Variants in PDE8B observed in about 807,000 individuals in gnomAD.
The protein encoded by PDE8B is high affinity cAMP-specific and IBMX-insensitive 3',5'-cyclic phosphodiesterase 8B.
A neutral mutation model predicts 101.3 loss-of-function variants in PDE8B; 26 were observed. The observed-to-expected ratio is 0.26, with a 90% confidence interval of 0.19 to 0.36. PDE8B has a LOEUF of 0.36. Among genes scored for constraint, PDE8B ranks in the 10% least tolerant of loss-of-function variants. The pLI is 1.00. For synonymous variants in PDE8B, 424 were observed against 429.3 expected, an observed-to-expected ratio of 0.99 and a Z score of 0.15; for missense variants, 810 against 1,163.1, an observed-to-expected ratio of 0.70 and a Z score of 4.42.
chr5:77,425,414 G>A (rs2017194), intron 20 of PDE8B, among the ~76,000 whole-genome samples: 57,354 of 152,016 alleles, frequency 0.38, 11,284 homozygotes, highest in African/African-American at 0.44. Flanking sequence ...TTAGCTGGAC[G>A]TGGTGACAGG....
chr5:77,109,697 A>G, the PDE8B span, among the ~76,000 whole-genome samples: 1 of 152,196 alleles, frequency 6.6e-6, no homozygotes, highest in Non-Finnish European at 1.5e-5. Context: ...CTCTGTGTTC[A>G]TGGATCAACT....
chr5:77,311,761 G>A (rs914787651), intron 1 of PDE8B, among the ~76,000 whole-genome samples: 1 of 151,856 alleles, frequency 6.6e-6, no homozygotes, highest in Non-Finnish European at 1.5e-5. Context: ...AGCATTTGGG[G>A]ATGTATCCTT....
chr5:77,166,384 T>C, the PDE8B span, among the ~76,000 whole-genome samples: 3 of 152,164 alleles, frequency 2.0e-5, no homozygotes, highest in African/African-American at 7.2e-5. Flanking sequence ...GTCTAGGCAT[T>C]ACTAAATCCT....
chr5:77,335,593 G>A (rs71632915), intron 5 of PDE8B, among the ~76,000 whole-genome samples: 30,194 of 151,478 alleles, frequency 0.2, 3,472 homozygotes, highest in Middle Eastern at 0.33. Flanking sequence ...TGAGGAGAGG[G>A]ATTGATTTTT....
chr5:77,208,403 G>A (rs1263317773), upstream of PDE8B, among the ~76,000 whole-genome samples: 1 of 152,184 alleles, frequency 6.6e-6, no homozygotes, highest in Non-Finnish European at 1.5e-5. Flanking sequence ...ATTATCACAG[G>A]TAAGCTTTAG....
the PDE8B span, among the ~76,000 whole-genome samples, chr5:77,184,049 G>A: frequency 1.3e-5 from 2 of 151,946 alleles, no homozygotes; most frequent in African/African-American, 4.8e-5. Context: ...CTCACTGCAG[G>A]CTTGACCTCC....
the PDE8B span, among the ~76,000 whole-genome samples, chr5:77,196,583 G>T: frequency 1.3e-5 from 2 of 152,068 alleles, no homozygotes; most frequent in Non-Finnish European, 2.9e-5. Context: ...CTGGAGGTTT[G>T]GTTTGCTCAA....
the PDE8B span, chr5:77,147,711 T>C: frequency 2.6e-5 from 4 of 152,194 alleles, no homozygotes; most frequent in South Asian, 4.1e-4. Flanking sequence ...GAGGGCCATA[T>C]AGCATAGGAG....
At chr5:77,282,620 T>C (rs1223603313) in intron 1 of PDE8B, among the ~76,000 whole-genome samples, 1 of 152,052 alleles carries the variant, frequency 6.6e-6, no homozygotes, top group Non-Finnish European at 1.5e-5. Context: ...TATCTGCTGC[T>C]CGGAGGCAGT....
chr5:77,400,354 T>C (rs1791996810), intron 11 of PDE8B, 64 bp downstream of exon 11: 1 of 1,048,166 alleles, frequency 9.5e-7, no homozygotes, highest in Admixed American at 1.7e-5. Flanking sequence ...AATGTATACA[T>C]TTCTCTGAAG....
At chr5:77,342,407 A>AGC (rs1318710431) in intron 6 of PDE8B, among the ~76,000 whole-genome samples, 15 of 152,210 alleles carry the variant, frequency 9.9e-5, no homozygotes, top group African/African-American at 2.9e-4. Flanking sequence ...AAAAATACAG[A>AGC]GCCAGATTTC....
At chr5:77,207,131 AC>A (rs1747569467), upstream of PDE8B, among the ~76,000 whole-genome samples, 1 of 152,246 alleles carries the variant, frequency 6.6e-6, no homozygotes, top group Non-Finnish European at 1.5e-5. Context: ...CAATAGCTCC[AC>A]CATTAGGAAC....
intron 1 of PDE8B, among the ~76,000 whole-genome samples, chr5:77,248,446 G>A (rs62362644): frequency 9.0e-6 from 1 of 110,586 alleles, no homozygotes; most frequent in Non-Finnish European, 1.9e-5. Flanking sequence ...ATTAGTTTTT[G>A]TTGTTGTTGT....
At chr5:77,341,165 G>A (rs1779147954) in intron 6 of PDE8B, among the ~76,000 whole-genome samples, 1 of 152,090 alleles carries the variant, frequency 6.6e-6, no homozygotes, top group Admixed American at 6.5e-5. Flanking sequence ...GACTCAAGTT[G>A]ATTATCTCAT....
At chr5:77,297,312 C>G (rs1421854856) in intron 1 of PDE8B, among the ~76,000 whole-genome samples, 1 of 152,186 alleles carries the variant, frequency 6.6e-6, no homozygotes, top group African/African-American at 2.4e-5. Context: ...AGGGGAAATT[C>G]AAATCATAGC....
intron 1 of PDE8B, among the ~76,000 whole-genome samples, chr5:77,279,452 G>T (rs1260130648): frequency 6.6e-6 from 1 of 152,164 alleles, no homozygotes; most frequent in Non-Finnish European, 1.5e-5. Context: ...ATTGGAAAGT[G>T]CACTGTCCTT....
chr5:77,187,277 T>C, the PDE8B span, among the ~76,000 whole-genome samples: 2 of 152,192 alleles, frequency 1.3e-5, no homozygotes, highest in African/African-American at 2.4e-5. Flanking sequence ...TATTTGGCAT[T>C]GGAGGGATGA....
At chr5:77,373,477 T>C (rs1436949782) in intron 10 of PDE8B, among the ~76,000 whole-genome samples, 1 of 152,106 alleles carries the variant, frequency 6.6e-6, no homozygotes, top group Non-Finnish European at 1.5e-5. Flanking sequence ...TTTCCTTGGG[T>C]CCCTTTGTAT....
intron 10 of PDE8B, among the ~76,000 whole-genome samples, chr5:77,359,916 T>G: frequency 6.6e-6 from 1 of 152,034 alleles, no homozygotes; most frequent in East Asian, 1.9e-4. Flanking sequence ...ACCAACATGG[T>G]GAAACCCCGT....
Sources: allele counts gnomAD v4.1 joint callset (sites outside exome capture counted in the v4.1 genomes callset), GRCh38; gene constraint gnomAD v4.1.1; transcripts MANE v1.5; gene names NCBI Gene and HGNC (gene_info 2026-07-23, HGNC 2026-07-21).